PRKG1: variants seen among roughly 807,000 people sequenced by gnomAD.
PRKG1 encodes cGMP-dependent protein kinase 1.
In PRKG1, 35 loss-of-function variants were observed where a neutral mutation model predicts 88.1. The ratio of observed to expected loss-of-function variants is 0.40; its 90% CI spans 0.30 to 0.53. PRKG1 has a LOEUF of 0.53. Among genes scored for constraint, PRKG1 ranks in the 20% least tolerant of loss-of-function variants. The pLI, the probability that PRKG1 is intolerant of heterozygous loss-of-function variation, is 0.59. For missense variants in PRKG1, 540 were observed against 839.8 expected, an observed-to-expected ratio of 0.64 and a Z score of 4.41; for synonymous variants, 303 against 292.5, an observed-to-expected ratio of 1.04 and a Z score of -0.37.
At chr10:51,068,964 G>C (rs1190267141) in intron 1 of PRKG1, among the ~76,000 whole-genome samples, 2 of 151,776 alleles carry the variant, frequency 1.3e-5, no homozygotes, top group African/African-American at 4.8e-5. Context: ...TATTTTTCTT[G>C]ATTTTTTTTC....
intron 1 of PRKG1, among the ~76,000 whole-genome samples, chr10:51,135,778 C>T (rs540195368): frequency 6.1e-4 from 93 of 151,822 alleles, no homozygotes; most frequent in Admixed American, 9.8e-4. Context: ...TTCAAAAGTT[C>T]GCTAGAATGT....
chr10:51,763,569 A>G (rs954695280), intron 3 of PRKG1, among the ~76,000 whole-genome samples: 1 of 150,992 alleles, frequency 6.6e-6, no homozygotes, highest in African/African-American at 2.4e-5. Context: ...TATATTTTAA[A>G]ACGATGTAAA....
At chr10:51,558,898 A>G (rs1004471365) in intron 3 of PRKG1, among the ~76,000 whole-genome samples, 3 of 152,096 alleles carry the variant, frequency 2.0e-5, no homozygotes, top group Non-Finnish European at 4.4e-5. Flanking sequence ...GTCCTCTCTT[A>G]TCCAAGGTTT....
intron 9 of PRKG1, among the ~76,000 whole-genome samples, chr10:52,205,753 G>A (rs1328567079): frequency 1.3e-5 from 2 of 152,154 alleles, no homozygotes; most frequent in African/African-American, 4.8e-5. Context: ...AGTGTCTTCT[G>A]AACTGTGGGA....
At chr10:51,239,699 C>T (rs1465648192) in intron 2 of PRKG1, among the ~76,000 whole-genome samples, 3 of 152,032 alleles carry the variant, frequency 2.0e-5, no homozygotes, top group African/African-American at 7.2e-5. Flanking sequence ...GGTTTGAGTA[C>T]GTGGGCTGAG....
chr10:51,268,359 T>C (rs534351076), intron 2 of PRKG1, among the ~76,000 whole-genome samples: 1 of 152,242 alleles, frequency 6.6e-6, no homozygotes, highest in South Asian at 2.1e-4. Context: ...CTAATAAGCC[T>C]GGGAGTGCTA....
chr10:51,495,157 C>T (rs1470240832), intron 3 of PRKG1, among the ~76,000 whole-genome samples: 2 of 152,002 alleles, frequency 1.3e-5, no homozygotes, highest in Admixed American at 6.6e-5. Flanking sequence ...TGCAGTGGCA[C>T]GATCTTGGCT....
rs556333349 is a variant in PRKG1 at position 51,150,275 on chromosome 10, A to G, written c.312-2889A>G. ...AACTCAACTCACTGATTTTATATGCATTATATCTTAGTTACAGTGAGTGTC... is the reference window on the plus strand; with the variant it reads ...AACTCAACTCACTGATTTTATATGCGTTATATCTTAGTTACAGTGAGTGTC... On this transcript the variant is annotated intron_variant, in intron 1 of 17. Coordinates refer to ENST00000373980, the MANE Select transcript of PRKG1 (RefSeq NM_006258.4). Among the ~76,000 whole-genome samples the G allele has an allele frequency of 5.9e-5, 9 of 152,190 alleles. No homozygotes were observed. The East Asian group carries it at 1.5e-3, about 26-fold the overall frequency.
chr10:51,636,254 C>T (rs139742496), intron 3 of PRKG1, among the ~76,000 whole-genome samples: 369 of 152,174 alleles, frequency 2.4e-3, no homozygotes, highest in African/African-American at 8.4e-3. Context: ...AATGACACCG[C>T]CCTAGGACTT....
At chr10:51,968,820 CA>C (rs56810665) in intron 5 of PRKG1, among the ~76,000 whole-genome samples, 39,507 of 104,814 alleles carry the variant, frequency 0.38, 5,860 homozygotes, top group East Asian at 0.65. Context: ...AAAACTCCAT[CA>C]AAAAAAAAAA....
chr10:51,374,832 C>G (rs544873401), intron 2 of PRKG1, among the ~76,000 whole-genome samples: 1 of 152,192 alleles, frequency 6.6e-6, no homozygotes, highest in African/African-American at 2.4e-5. Context: ...TCTAAGCTCA[C>G]GTGAGTGTTG....
chr10:51,691,905 A>T (rs938162536), intron 3 of PRKG1, among the ~76,000 whole-genome samples: 1 of 152,214 alleles, frequency 6.6e-6, no homozygotes, highest in African/African-American at 2.4e-5. Flanking sequence ...TAGGGAACAA[A>T]ACTTGAATAA....
intron 1 of PRKG1, among the ~76,000 whole-genome samples, chr10:51,141,530 G>A (rs948657428): frequency 6.6e-6 from 1 of 152,154 alleles, no homozygotes; most frequent in African/African-American, 2.4e-5. Flanking sequence ...ACTATTGCCT[G>A]CATTTACCTG....
chr10:51,843,093 CTTTTTTTTTTTTTT>C (rs1167219822), intron 4 of PRKG1, among the ~76,000 whole-genome samples: 2 of 87,912 alleles, frequency 2.3e-5, no homozygotes, highest in Non-Finnish European at 4.6e-5. Flanking sequence ...GAAAATTATT[CTTTTTTTTTTTTTT>C]TTTTTTTTTG....
chr10:51,259,822 A>C (rs942234702), intron 2 of PRKG1, among the ~76,000 whole-genome samples: 1 of 151,980 alleles, frequency 6.6e-6, no homozygotes, highest in Non-Finnish European at 1.5e-5. Context: ...TGAGATGTGA[A>C]TTATAGCCAG....
At chr10:51,996,001 G>A (rs796425802) in intron 5 of PRKG1, among the ~76,000 whole-genome samples, 11 of 152,140 alleles carry the variant, frequency 7.2e-5, no homozygotes, top group African/African-American at 2.6e-4. Context: ...GCACGGCAAA[G>A]GAAACAATCA....
At chr10:51,951,214 C>A (rs1415602207) in intron 5 of PRKG1, among the ~76,000 whole-genome samples, 4 of 152,124 alleles carry the variant, frequency 2.6e-5, no homozygotes, top group African/African-American at 7.2e-5. Flanking sequence ...GAGACCTGCC[C>A]CTATGTGCTT....
intron 7 of PRKG1, among the ~76,000 whole-genome samples, chr10:52,106,781 C>T (rs1292731704): frequency 6.6e-6 from 1 of 150,410 alleles, no homozygotes; most frequent in Non-Finnish European, 1.5e-5. Flanking sequence ...AGTTCTTGTT[C>T]CTGATTGTTT....
chr10:51,169,986 G>A (rs1486998210), intron 2 of PRKG1, among the ~76,000 whole-genome samples: 1 of 151,814 alleles, frequency 6.6e-6, no homozygotes, highest in Admixed American at 6.6e-5. Context: ...TGGCATACAT[G>A]CTCTGAAGCA....
Sources: allele counts gnomAD v4.1 joint callset (sites outside exome capture counted in the v4.1 genomes callset), GRCh38; gene constraint gnomAD v4.1.1; transcripts MANE v1.5; gene names NCBI Gene and HGNC (gene_info 2026-07-23, HGNC 2026-07-21).